Variants in COL21A1 observed in about 807,000 individuals in gnomAD.
COL21A1 encodes the protein collagen alpha-1(XXI) chain.
COL21A1 carries 149 observed loss-of-function variants against 137.9 expected under a neutral mutation model. The observed-to-expected ratio is 1.08, with a 90% CI of 0.95 to 1.24. The LOEUF (loss-of-function observed/expected upper bound fraction) is 1.24, where lower values mean the gene tolerates loss of function less well. COL21A1 is among the 50% of genes most tolerant of loss of function. The probability of loss-of-function intolerance (pLI) is 0.00; values close to 1 mark genes in which losing one functional copy is unlikely to be tolerated. For synonymous variants in COL21A1, 456 were observed against 391.5 expected, an observed-to-expected ratio of 1.16 and a Z score of -1.95; for missense variants, 1,167 against 1,158.4, an observed-to-expected ratio of 1.01 and a Z score of -0.11.
chr6:56,338,233 G>C (rs962898810), intron 1 of COL21A1, among the ~76,000 whole-genome samples: 2 of 151,974 alleles, frequency 1.3e-5, no homozygotes. Context: ...CAAAGCACTG[G>C]GATTACAGGC....
At chr6:56,085,131 C>CA (rs1293538489) in intron 17 of COL21A1, among the ~76,000 whole-genome samples, 1 of 151,614 alleles carries the variant, frequency 6.6e-6, no homozygotes, top group East Asian at 1.9e-4. Context: ...TTTTCTAAAA[C>CA]AAAAAATGGT....
intron 1 of COL21A1, among the ~76,000 whole-genome samples, chr6:56,326,017 GTATATACATAATATATTATGTA>G (rs1562058058): frequency 1.3e-5 from 1 of 79,058 alleles, no homozygotes; most frequent in African/African-American, 4.4e-5. Flanking sequence ...TTATGTATAT[GTATATACATAATATATTATGTA>G]TATGTATGTA....
Position 56,057,582 on chromosome 6 carries a change from G to T in COL21A1, c.*75C>A. 2 of 1,398,828 alleles carry T rather than the reference G, an allele frequency of 1.4e-6. No individual in the cohort carries two copies. Among genetic ancestry groups the T allele is most frequent in the Non-Finnish European group, 2.0e-6 (2 of 996,644 alleles). 86.7% of individuals were successfully genotyped at this position (1,398,828 alleles called of 1,614,324 possible). On this transcript the variant is annotated 3_prime_UTR_variant, in exon 30 of 30. Coordinates refer to ENST00000244728, the MANE Select transcript of COL21A1 (RefSeq NM_030820.4). ...TTAAGTTTCTTTTCAAGGGATTACT[G>T]TTGGTTATCTTCCTGAGATGCAAAA...
intron 1 of COL21A1, among the ~76,000 whole-genome samples, chr6:56,235,418 A>C (rs562137242): frequency 1.3e-5 from 2 of 152,012 alleles, no homozygotes; most frequent in South Asian, 4.2e-4. Context: ...TAATATTCTA[A>C]GCCTCACTTC....
intron 12 of COL21A1, among the ~76,000 whole-genome samples, chr6:56,127,616 T>C (rs1404233540): frequency 1.3e-5 from 2 of 152,196 alleles, no homozygotes; most frequent in Non-Finnish European, 2.9e-5. Context: ...TTCATTTATA[T>C]AATTGATGAT....
chr6:56,073,201 G>T (rs1220218221), intron 20 of COL21A1, among the ~76,000 whole-genome samples: 1 of 151,348 alleles, frequency 6.6e-6, no homozygotes, highest in Admixed American at 6.6e-5. Context: ...ACTTAATAAG[G>T]GGTATTTTCT....
In COL21A1 at chr6:56,275,752, G is replaced by C. The variant is rs536804990; in HGVS notation, c.-38-93096C>G. Among the ~76,000 whole-genome samples the C allele has an allele frequency of 9.2e-5, 14 of 152,288 alleles. 1 individual carries two copies. The South Asian group carries it at 2.9e-3, about 32-fold the overall frequency. On this transcript the variant is annotated intron_variant, in intron 1 of 28. Coordinates refer to the COL21A1 transcript ENST00000370819. The stretch of plus-strand genomic sequence containing the variant: ...ATTCTGGCAATGCTATGGGAAAAGG[G>C]CATGCTTATACACTGTTGGTGGGAA...
chr6:56,169,057 C>T (rs1582542962), intron 5 of COL21A1, among the ~76,000 whole-genome samples: 1 of 152,010 alleles, frequency 6.6e-6, no homozygotes, highest in East Asian at 1.9e-4. Context: ...ATCCTCTAAA[C>T]ATAAGTTTCT....
rs372493421 is a variant in COL21A1, at chr6:56,124,228, A to G, written c.1704+11T>C. On this transcript the variant is annotated intron_variant, in intron 15 of 29. Transcript: ENST00000244728. ...AGCAAAATACTAAGAGCTTTTTTCT[A>G]TCAAACTCACAGCAGGTCCAGGGAG... 76 of 1,591,790 alleles carry G rather than the reference A, an allele frequency of 4.8e-5. No individual in the cohort carries two copies. The African/African-American group carries it at 7.5e-4, about 16-fold the overall frequency.
Position 56,124,114 on chromosome 6 carries a change from C to T in COL21A1, c.1706G>A (p.Gly569Glu). The T allele has an allele frequency of 6.5e-7, 1 of 1,540,856 alleles. No homozygotes were observed. The highest frequency in any genetic ancestry group is 8.8e-7 in the Non-Finnish European group (1 of 1,142,376). The change falls in exon 16 of 30, where the codon GGA becomes GAA. Residue 569 changes from glycine to glutamate, a missense_variant and splice_region_variant. Transcript: ENST00000244728. ...ATCCTTTCCATGTCTTCCTGGTTCT[C>T]CCTAAAAAATAAATACATATGCTTT... ...AGFPGLPGPA[G>E]EPGRHGKDGL...
intron 1 of COL21A1, among the ~76,000 whole-genome samples, chr6:56,388,093 C>G (rs1054789629): frequency 2.6e-5 from 4 of 152,152 alleles, no homozygotes; most frequent in Admixed American, 2.6e-4. Flanking sequence ...AATAAAGCAC[C>G]AAGCAGATTC....
At position 56,162,260 on chromosome 6, in the gene COL21A1, T is replaced by C. The variant is rs115975298; in HGVS notation, c.1371+2163A>G. Reference sequence around the variant, plus strand: ...GGATGGAAGAGTGTGTGTGTGTTCCTGTCCTCCTGCCAGATTTTCTGAAGA... The same window carrying C: ...GGATGGAAGAGTGTGTGTGTGTTCCCGTCCTCCTGCCAGATTTTCTGAAGA... On this transcript the variant is annotated intron_variant, in intron 9 of 29. Transcript: ENST00000244728. 7.8e-3 allele frequency among the ~76,000 whole-genome samples: 1,181 copies of C among 152,294 alleles called. 19 individuals are homozygous for C. The highest frequency in any genetic ancestry group is 0.025 in the African/African-American group (1,054 of 41,554).
chr6:56,204,536 T>C (rs1403235422), intron 1 of COL21A1, among the ~76,000 whole-genome samples: 1 of 152,090 alleles, frequency 6.6e-6, no homozygotes, highest in Admixed American at 6.6e-5. Context: ...CAGGGGGAAG[T>C]GGAGGCTGTG....
At chr6:56,250,942 TTTG>T (rs1212825680), upstream of COL21A1, among the ~76,000 whole-genome samples, 897 of 152,310 alleles carry the variant, frequency 5.9e-3, 8 homozygotes, top group African/African-American at 0.02. Flanking sequence ...CTTCCCAATG[TTTG>T]TTTTAGAACA....
rs1349245380 is a variant in COL21A1, at chr6:56,061,015, C to G, written c.2228G>C (p.Gly743Ala). ...TTTTGATCCAATGGCACCTCGGACA[C>G]CAGGTTCTCCCTTTTCACCTCTCTA... ...KGERGEKGEP[G>A]VRGAIGSKGE... The change falls in exon 26 of 30, where the codon GGT (glycine) becomes GCT (alanine). Residue 743 changes from glycine (G) to alanine (A), a missense_variant. By Grantham distance (60) the Gly-to-Ala change is moderately conservative (BLOSUM62 0). Coordinates refer to ENST00000244728, the MANE Select transcript of COL21A1 (RefSeq NM_030820.4). 6.2e-7 allele frequency: 1 copy of G among 1,602,044 alleles called. No individual in the cohort carries two copies. The highest frequency in any genetic ancestry group is 1.1e-5 in the South Asian group (1 of 89,516).
intron 1 of COL21A1, among the ~76,000 whole-genome samples, chr6:56,268,252 T>C (rs1390214614): frequency 6.6e-6 from 1 of 152,126 alleles, no homozygotes; most frequent in African/African-American, 2.4e-5. Flanking sequence ...GAATGTAAGC[T>C]ATCGCCCTGC....
At chr6:56,260,681 AAGGAAGGAAGGCAGGCAGGCAGGC>A (rs1763242877) in intron 1 of COL21A1, among the ~76,000 whole-genome samples, 1 of 110,258 alleles carries the variant, frequency 9.1e-6, no homozygotes, top group South Asian at 2.6e-4. Flanking sequence ...GGAAGGAAGG[AAGGAAGGAAGGCAGGCAGGCAGGC>A]AGGCAGGCAG....
chr6:56,105,251 C>T (rs1287309207), intron 16 of COL21A1, among the ~76,000 whole-genome samples: 2 of 152,046 alleles, frequency 1.3e-5, no homozygotes, highest in Non-Finnish European at 2.9e-5. Flanking sequence ...GCATAAAATG[C>T]CATTAATACT....
At chr6:56,266,016 T>C (rs1763382811) in intron 1 of COL21A1, among the ~76,000 whole-genome samples, 1 of 152,242 alleles carries the variant, frequency 6.6e-6, no homozygotes. Flanking sequence ...TGTTAAAGCC[T>C]CTGTCCCAGT....
Sources: allele counts gnomAD v4.1 joint callset (sites outside exome capture counted in the v4.1 genomes callset), GRCh38; gene constraint gnomAD v4.1.1; transcripts MANE v1.5; gene names NCBI Gene and HGNC (gene_info 2026-07-23, HGNC 2026-07-21).